Variants in TRAPPC9 observed in about 807,000 individuals in gnomAD.
TRAPPC9 encodes the protein IKK2 binding protein.
A neutral mutation model predicts 124.0 loss-of-function variants in TRAPPC9; 83 were observed. The observed-to-expected ratio is 0.67, with a 90% CI of 0.56 to 0.80. TRAPPC9 has a LOEUF of 0.80. TRAPPC9 is among the 30% of genes least tolerant of loss of function. The pLI, the probability that TRAPPC9 is intolerant of heterozygous loss-of-function variation, is 0.00. For synonymous variants in TRAPPC9, 638 were observed against 617.5 expected (o/e 1.03, Z -0.49); for missense variants, 1,302 against 1,508.3 (o/e 0.86, Z 2.27).
chr8:140,116,855 A>AAGTAGGCGGAGTTCAGTG (rs59168636), intron 17 of TRAPPC9, among the ~76,000 whole-genome samples: 3 of 140,184 alleles, frequency 2.1e-5, no homozygotes, highest in African/African-American at 5.5e-5. Context: ...GGAGTTCAGT[A>AAGTAGGCGGAGTTCAGTG]AGTAGGCGGA....
chr8:140,016,626 G>A, intron 18 of TRAPPC9, among the ~76,000 whole-genome samples: 1 of 152,184 alleles, frequency 6.6e-6, no homozygotes, highest in East Asian at 1.9e-4. Flanking sequence ...TGTACCAGCA[G>A]TTTCTATTTC....
At chr8:139,903,053 T>C (rs1334231301) in intron 20 of TRAPPC9, among the ~76,000 whole-genome samples, 2 of 152,194 alleles carry the variant, frequency 1.3e-5, no homozygotes. Flanking sequence ...CCCTCAGCAG[T>C]GCACAGCCTG....
chr8:140,051,112 G>A (rs1339364623), intron 17 of TRAPPC9, among the ~76,000 whole-genome samples: 1 of 152,242 alleles, frequency 6.6e-6, no homozygotes, highest in Non-Finnish European at 1.5e-5. Context: ...AAAGGAATGA[G>A]TCATCAGAGA....
chr8:139,856,810 G>A (rs1403361511), intron 21 of TRAPPC9, among the ~76,000 whole-genome samples: 1 of 151,768 alleles, frequency 6.6e-6, no homozygotes, highest in Non-Finnish European at 1.5e-5. Context: ...CCAGTGAGGT[G>A]GAAGGAGAAC....
At chr8:140,201,358 T>C (rs545986885) in intron 17 of TRAPPC9, among the ~76,000 whole-genome samples, 24 of 152,362 alleles carry the variant, frequency 1.6e-4, no homozygotes, top group African/African-American at 5.5e-4. Flanking sequence ...CCGTCCTATA[T>C]TTCCCAAACA....
At chr8:140,117,630 T>C (rs2060912525) in intron 17 of TRAPPC9, among the ~76,000 whole-genome samples, 1 of 152,228 alleles carries the variant, frequency 6.6e-6, no homozygotes, top group Admixed American at 6.5e-5. Flanking sequence ...AACATTATTA[T>C]ACTGGCAATT....
chr8:139,735,039 G>T (rs1342669402), intron 21 of TRAPPC9, among the ~76,000 whole-genome samples: 1 of 152,240 alleles, frequency 6.6e-6, no homozygotes, highest in African/African-American at 2.4e-5. Flanking sequence ...ACTGGGCTAT[G>T]TATAGTGCCC....
At chr8:140,383,694 A>G (rs908378411) in intron 7 of TRAPPC9, among the ~76,000 whole-genome samples, 6 of 152,246 alleles carry the variant, frequency 3.9e-5, no homozygotes, top group African/African-American at 1.2e-4. Flanking sequence ...TGATTGGTGT[A>G]CCTGAAAGTG....
intron 16 of TRAPPC9, 28 bp from the exon 17 acceptor site, chr8:140,221,611 T>G: frequency 6.2e-7 from 1 of 1,606,778 alleles, no homozygotes. Context: ...AAATCATAAG[T>G]AACACGTCAG....
At chr8:140,291,102 G>A in intron 11 of TRAPPC9, 24 bp from the exon 12 acceptor site, 2 of 1,597,790 alleles carry the variant, frequency 1.3e-6, no homozygotes, top group Middle Eastern at 1.7e-4. Context: ...ACACATAAAT[G>A]AATCCATGTA....
At chr8:139,868,786 A>C (rs1467734468) in intron 21 of TRAPPC9, among the ~76,000 whole-genome samples, 1 of 152,244 alleles carries the variant, frequency 6.6e-6, no homozygotes, top group Admixed American at 6.5e-5. Flanking sequence ...CTAAGCTCTG[A>C]GAATACACTG....
At chr8:140,382,896 TG>T (rs1251902954) in intron 7 of TRAPPC9, among the ~76,000 whole-genome samples, 1 of 152,150 alleles carries the variant, frequency 6.6e-6, no homozygotes, top group Non-Finnish European at 1.5e-5. Flanking sequence ...TAGCCTAACT[TG>T]GGGGGAGGCA....
intron 18 of TRAPPC9, 33 bp downstream of exon 18, chr8:140,023,904 A>G (rs1273887515): frequency 6.8e-6 from 11 of 1,613,820 alleles, no homozygotes; most frequent in Non-Finnish European, 8.5e-6. Context: ...GAGACTCTAG[A>G]ACAAGACGGC....
chr8:139,858,576 C>G (rs1050655742), intron 21 of TRAPPC9, among the ~76,000 whole-genome samples: 2 of 152,162 alleles, frequency 1.3e-5, no homozygotes, highest in Non-Finnish European at 1.5e-5. Context: ...ACATAGGGGA[C>G]AGCCAGGAAG....
intron 19 of TRAPPC9, among the ~76,000 whole-genome samples, chr8:139,978,991 G>C (rs1341818610): frequency 8.8e-6 from 1 of 113,726 alleles, no homozygotes; most frequent in South Asian, 2.9e-4. Flanking sequence ...GTGTGTGTGG[G>C]ACTCGGTGGC....
intron 16 of TRAPPC9, among the ~76,000 whole-genome samples, chr8:140,228,709 C>A (rs1272784868): frequency 6.6e-6 from 1 of 152,172 alleles, no homozygotes; most frequent in Non-Finnish European, 1.5e-5. Context: ...TGGGTGGTTC[C>A]CAGCTTGTTC....
chr8:140,412,676 C>T lies in TRAPPC9; in HGVS notation c.887-6978G>A, dbSNP rs190330576. Among the ~76,000 whole-genome samples the T allele has an allele frequency of 2.2e-3, 339 of 152,080 alleles. 3 individuals carry two copies. The highest frequency in any genetic ancestry group is 2.1e-3 in the Non-Finnish European group (142 of 67,998). On this transcript the variant is annotated intron_variant, in intron 5 of 22. Coordinates refer to ENST00000438773, the MANE Select transcript of TRAPPC9 (RefSeq NM_001160372.4). ...AGCAAATGATAACAACTGGGAAATA[C>T]GGGTGAAGAGTACATCAGAATTATC...
rs74316654 is a variant in TRAPPC9 at position 140,450,864 on chromosome 8, C to A, written c.510G>T (p.Lys170Asn). 6.2e-7 allele frequency: 1 copy of A among 1,614,040 alleles called. No individual in the cohort carries two copies. Among genetic ancestry groups the A allele is most frequent in the East Asian group, 2.2e-5 (1 of 44,886 alleles). Residue 170 changes from lysine to asparagine, a missense_variant, in exon 2 of 23, where the codon AAG (lysine) becomes AAT (asparagine). By Grantham distance (94) the Lys-to-Asn change is moderately conservative (BLOSUM62 0). This residue lies in a region of TRAPPC9 where 657 missense variants were observed against 811.2 expected (regional missense o/e 0.81). Transcript: ENST00000438773. ...ESKRLDRATD[K>N]SGDKIPLLCV... The stretch of plus-strand genomic sequence containing the variant: ...AGAGAAGGGGGATCTTATCCCCAGA[C>A]TTGTCTGTGGCTCTGTCCAGACGCT...
intron 7 of TRAPPC9, among the ~76,000 whole-genome samples, chr8:140,380,812 A>G (rs2068584560): frequency 6.6e-6 from 1 of 152,100 alleles, no homozygotes; most frequent in Non-Finnish European, 1.5e-5. Flanking sequence ...CGGGTTAGCA[A>G]TCTTTTAAAT....
Sources: allele counts gnomAD v4.1 joint callset (sites outside exome capture counted in the v4.1 genomes callset), GRCh38; gene constraint gnomAD v4.1.1; regional missense constraint gnomAD v4.1.1; transcripts MANE v1.5; gene names NCBI Gene and HGNC (gene_info 2026-07-23, HGNC 2026-07-21).